Variants in DLAT observed in about 807,000 individuals in gnomAD.
DLAT encodes dihydrolipoamide S-acetyltransferase.
DLAT carries 43 observed loss-of-function variants against 68.0 expected under a neutral mutation model. That is an observed-to-expected ratio of 0.63 (90% CI 0.50 to 0.81). The LOEUF is 0.81. Among genes scored for constraint, DLAT ranks in the 40% least tolerant of loss-of-function variants. The pLI is 0.00. For missense variants in DLAT, 745 were observed against 815.4 expected, an observed-to-expected ratio of 0.91 and a Z score of 1.05; for synonymous variants, 265 against 288.6, an observed-to-expected ratio of 0.92 and a Z score of 0.83.
chr11:112,060,182 G>C, intron 12 of DLAT, 117 bp downstream of exon 12: 1 of 540,168 alleles, frequency 1.9e-6, no homozygotes, highest in Non-Finnish European at 2.8e-6. Flanking sequence ...TTTTTTTTTT[G>C]AGACGGAGTC....
chr11:112,033,810 T>C (rs1252209790), intron 5 of DLAT, among the ~76,000 whole-genome samples: 1 of 152,212 alleles, frequency 6.6e-6, no homozygotes, highest in Admixed American at 6.5e-5. Flanking sequence ...CTTGAACTCC[T>C]GGGCTTATGC....
rs1862743860 is a variant in DLAT at position 112,036,195 on chromosome 11, G to GTT, written c.788-1077_788-1076insTT. Among the ~76,000 whole-genome samples the GTT allele has an allele frequency of 7.8e-4, 52 of 66,908 alleles. 1 individual carries two copies. The highest frequency in any genetic ancestry group is 3.0e-3 in the African/African-American group (48 of 16,214). 43.9% of individuals were successfully genotyped at this position (66,908 alleles called of 152,430 possible). A position where few individuals can be genotyped will look rare whatever the true frequency, so the allele number is the denominator to read the frequency against. ...TGTGTGTGTGTGTGTGTGTGTGTGT[G>GTT]TGTGTGTTTTTTTTTTTTTTTTTTT... On this transcript the variant is annotated intron_variant, in intron 5 of 13. Coordinates refer to ENST00000280346, the MANE Select transcript of DLAT (RefSeq NM_001931.5).
intron 1 of DLAT, 43 bp downstream of exon 1, chr11:112,025,794 G>T (rs1459842245): frequency 5.6e-6 from 9 of 1,609,456 alleles, no homozygotes; most frequent in Non-Finnish European, 4.2e-6. Flanking sequence ...TTGTCCTTCA[G>T]AGCTGACTGG....
rs587679832 is a variant in DLAT, at chr11:112,062,387, T to C, written c.1815-19T>C. ...GTATTTTCTTTCAGAATATCTAAAA[T>C]GTCTTTATCTTTTTCTAGGTTTGAT... is the stretch of plus-strand genomic sequence containing the variant. On this transcript the variant is annotated intron_variant, in intron 13 of 13. Coordinates refer to ENST00000280346, the MANE Select transcript of DLAT (RefSeq NM_001931.5). 1 of 1,612,056 alleles carries C rather than the reference T, an allele frequency of 6.2e-7. No homozygotes were observed. The highest frequency in any genetic ancestry group is 2.2e-5 in the East Asian group (1 of 44,874).
rs35661701 is a variant in DLAT at position 112,031,740 on chromosome 11, ATTT to A, written c.661-1645_661-1643del. On this transcript the variant is annotated intron_variant, in intron 4 of 13. Transcript: ENST00000280346. ...AGGCACGTGCCACCATGCCCAGCTA[ATTT>A]TTTTTTTTTTTTTTTTTTAAGAGAT... 3.1e-3 allele frequency among the ~76,000 whole-genome samples: 410 copies of A among 133,470 alleles called. 1 individual carries two copies. Among genetic ancestry groups the A allele is most frequent in the Middle Eastern group, 7.8e-3 (2 of 256 alleles). 87.6% of individuals were successfully genotyped at this position (133,470 alleles called of 152,430 possible). A position where few individuals can be genotyped will look rare whatever the true frequency, so the allele number is the denominator to read the frequency against.
At chr11:112,026,324 TTAA>T in intron 2 of DLAT, 25 bp downstream of exon 2, 1 of 1,188,056 alleles carries the variant, frequency 8.4e-7, no homozygotes. Flanking sequence ...TTTTTTTTAA[TTAA>T]TTTATTTATT....
chr11:112,039,480 T>C (rs1259674213), intron 7 of DLAT, 83 bp downstream of exon 7: 1 of 1,349,836 alleles, frequency 7.4e-7, no homozygotes, highest in Non-Finnish European at 1.1e-6. Context: ...TACAACTATG[T>C]ATAGCCGTAC....
chr11:112,040,492 T>C (rs1487856543), intron 7 of DLAT, among the ~76,000 whole-genome samples: 2 of 152,206 alleles, frequency 1.3e-5, no homozygotes, highest in African/African-American at 4.8e-5. Flanking sequence ...TTTGATGCTC[T>C]GCCATCCATA....
intron 2 of DLAT, among the ~76,000 whole-genome samples, chr11:112,027,597 C>T (rs1432175309): frequency 6.6e-6 from 1 of 152,148 alleles, no homozygotes; most frequent in Admixed American, 6.5e-5. Context: ...CACTGCACTC[C>T]AGCCTGGGCA....
At chr11:112,057,207 T>C (rs1054451854) in intron 11 of DLAT, among the ~76,000 whole-genome samples, 1 of 152,214 alleles carries the variant, frequency 6.6e-6, no homozygotes, top group African/African-American at 2.4e-5. Context: ...CAACCAGCTG[T>C]TCCTCTGTCT....
At chr11:112,057,979 CT>C (rs1864205751) in intron 11 of DLAT, among the ~76,000 whole-genome samples, 1 of 152,142 alleles carries the variant, frequency 6.6e-6, no homozygotes. Context: ...TTAAGCATAA[CT>C]TTTGTATGTA....
At chr11:112,060,158 A>ATTT (rs782188808) in intron 12 of DLAT, 93 bp downstream of exon 12, 980 of 566,718 alleles carry the variant, frequency 1.7e-3, no homozygotes, top group African/African-American at 2.5e-3. Flanking sequence ...CTGTCACGTA[A>ATTT]TTTTTTTTTT....
chr11:112,032,257 C>A (rs1204174441), intron 4 of DLAT, among the ~76,000 whole-genome samples: 1 of 149,680 alleles, frequency 6.7e-6, no homozygotes, highest in Non-Finnish European at 1.5e-5. Flanking sequence ...CAGAGTAAGA[C>A]TCCATCTCAA....
chr11:112,034,372 G>A (rs1417728895), intron 5 of DLAT, among the ~76,000 whole-genome samples: 3 of 151,852 alleles, frequency 2.0e-5, no homozygotes, highest in Non-Finnish European at 2.9e-5. Context: ...TATGTCATAT[G>A]TCCACATATC....
Position 112,045,925 on chromosome 11 carries a change from T to A in DLAT, c.1353T>A (p.Asp451Glu). Reference sequence around the variant, plus strand: ...TACCTCATTATTACCTTTCTATCGATGTAAATATGGGAGAAGTTTTGTTGG... The same window carrying A: ...TACCTCATTATTACCTTTCTATCGAAGTAAATATGGGAGAAGTTTTGTTGG... The part of the protein sequence containing the change: ...QTIPHYYLSI[D>E]VNMGEVLLVR... Residue 451 changes from aspartate to glutamate, a missense_variant, in exon 10 of 14, where the codon GAT becomes GAA. By Grantham distance (45) the Asp-to-Glu change is conservative (BLOSUM62 2). Coordinates refer to ENST00000280346, the MANE Select transcript of DLAT (RefSeq NM_001931.5). 1.2e-6 allele frequency: 2 copies of A among 1,611,378 alleles called. No homozygotes were observed. The highest frequency in any genetic ancestry group is 1.7e-6 in the Non-Finnish European group (2 of 1,177,626).
At chr11:112,032,265 CAAAA>C (rs879992422) in intron 4 of DLAT, among the ~76,000 whole-genome samples, 3 of 126,100 alleles carry the variant, frequency 2.4e-5, no homozygotes, top group Non-Finnish European at 5.1e-5. Flanking sequence ...GACTCCATCT[CAAAA>C]AAAAAAAAAA....
At position 112,053,313 on chromosome 11, in the gene DLAT, A is replaced by G. The variant is rs7481794; in HGVS notation, c.1514+1964A>G. On this transcript the variant is annotated intron_variant, in intron 11 of 13. Coordinates refer to ENST00000280346, the MANE Select transcript of DLAT (RefSeq NM_001931.5). Reference sequence around the variant, plus strand: ...GTCCAGCCTGGGTGATAAGAGCAAAACTCTGTCTCAAAAAAATATTTTCCT... The same window carrying G: ...GTCCAGCCTGGGTGATAAGAGCAAAGCTCTGTCTCAAAAAAATATTTTCCT... Among the ~76,000 whole-genome samples, 304 of 152,128 alleles carry G rather than the reference A, an allele frequency of 2.0e-3. 4 individuals are homozygous for G. The highest frequency in any genetic ancestry group is 7.0e-3 in the African/African-American group (292 of 41,524).
At chr11:112,041,085 G>A (rs1863031783) in intron 7 of DLAT, among the ~76,000 whole-genome samples, 1 of 152,160 alleles carries the variant, frequency 6.6e-6, no homozygotes, top group African/African-American at 2.4e-5. Context: ...AGAATTAAAT[G>A]AACAGAAAGG....
Position 112,062,498 on chromosome 11 carries a change from G to T in DLAT, c.1907G>T (p.Arg636Ile). 6.2e-7 allele frequency: 1 copy of T among 1,612,584 alleles called. No individual in the cohort carries two copies. The highest frequency in any genetic ancestry group is 8.5e-7 in the Non-Finnish European group (1 of 1,179,994). Reference sequence around the variant, plus strand: ...GGAGCCCAGTGGCTTGCTGAGTTTAGAAAGTACCTTGAAAAACCTATCACT... The same window carrying T: ...GGAGCCCAGTGGCTTGCTGAGTTTATAAAGTACCTTGAAAAACCTATCACT... ...AVGAQWLAEF[R>I]KYLEKPITML... The change falls in exon 14 of 14, where the codon AGA (arginine) becomes ATA (isoleucine). Residue 636 changes from arginine to isoleucine, a missense_variant. Coordinates refer to ENST00000280346, the MANE Select transcript of DLAT (RefSeq NM_001931.5).
Sources: allele counts gnomAD v4.1 joint callset (sites outside exome capture counted in the v4.1 genomes callset), GRCh38; gene constraint gnomAD v4.1.1; transcripts MANE v1.5; gene names NCBI Gene and HGNC (gene_info 2026-07-23, HGNC 2026-07-21).